The following PDE2A variants were observed in gnomAD, a reference collection of about 807,000 sequenced individuals.
PDE2A encodes phosphodiesterase 2A.
PDE2A carries 53 observed loss-of-function variants against 133.6 expected under a neutral mutation model. That is an observed-to-expected ratio of 0.40 (90% CI 0.32 to 0.50). PDE2A has a LOEUF of 0.50. Ranked by LOEUF, PDE2A falls within the 20% of genes least tolerant of loss-of-function variation. The probability of loss-of-function intolerance (pLI) is 0.73; values close to 1 mark genes in which losing one functional copy is unlikely to be tolerated. For synonymous variants in PDE2A, 491 were observed against 490.2 expected (o/e 1.00, Z -0.02); for missense variants, 796 against 1,232.4 (o/e 0.65, Z 5.30).
chr11:72,622,798 A>G (rs115408912), intron 2 of PDE2A, among the ~76,000 whole-genome samples: 1,901 of 152,320 alleles, frequency 0.012, 53 homozygotes, highest in African/African-American at 0.043. Flanking sequence ...TACCTACCAC[A>G]ACTGAACTGT....
At chr11:72,580,185 C>T (rs1855658649) in intron 25 of PDE2A, among the ~76,000 whole-genome samples, 1 of 152,128 alleles carries the variant, frequency 6.6e-6, no homozygotes, top group African/African-American at 2.4e-5. Flanking sequence ...AATGTGTCTC[C>T]TACTCTGTGC....
intron 1 of PDE2A, among the ~76,000 whole-genome samples, chr11:72,661,659 G>A (rs1855067530): frequency 6.6e-6 from 1 of 152,230 alleles, no homozygotes. Context: ...GGGCCTTGGG[G>A]AAGGGAATTC....
In PDE2A at chr11:72,600,372, A is replaced by C. The variant is rs997460658; in HGVS notation, c.324-2753T>G. On this transcript the variant is annotated intron_variant, in intron 4 of 30. Transcript: ENST00000334456. ...ATCTTGATAAGCCGAGATGCCCCCA[A>C]GCACTGGGGCTTCCAAGGACCCTCA... is the stretch of plus-strand genomic sequence containing the variant. 6.6e-5 allele frequency among the ~76,000 whole-genome samples: 10 copies of C among 152,124 alleles called. 1 individual carries two copies. The highest frequency in any genetic ancestry group is 3.3e-4 in the Admixed American group (5 of 15,286).
chr11:72,591,473 T>C, intron 6 of PDE2A, 117 bp from the exon 7 acceptor site: 1 of 748,142 alleles, frequency 1.3e-6, no homozygotes, highest in South Asian at 1.6e-5. Flanking sequence ...CACTCCAGTC[T>C]GTGGGCCTCA....
At chr11:72,632,295 A>G (rs957545209) in intron 2 of PDE2A, among the ~76,000 whole-genome samples, 2 of 152,132 alleles carry the variant, frequency 1.3e-5, no homozygotes, top group Non-Finnish European at 2.9e-5. Context: ...TGGCCGAAGC[A>G]GGGCGTCTGG....
chr11:72,656,302 G>T (rs1223861322), intron 1 of PDE2A, among the ~76,000 whole-genome samples: 1 of 152,188 alleles, frequency 6.6e-6, no homozygotes, highest in Non-Finnish European at 1.5e-5. Flanking sequence ...TATTCTGCCT[G>T]GATAAGTTCC....
chr11:72,598,435 G>A (rs1170338192), intron 4 of PDE2A: 1 of 1,126,966 alleles, frequency 8.9e-7, no homozygotes, highest in Non-Finnish European at 1.2e-6. Context: ...GGAAGAATGA[G>A]TTTCTCTCTG....
At chr11:72,622,316 A>C (rs1362269157) in intron 2 of PDE2A, among the ~76,000 whole-genome samples, 1 of 152,280 alleles carries the variant, frequency 6.6e-6, no homozygotes, top group African/African-American at 2.4e-5. Context: ...AAACCAAAAA[A>C]TAGAATGACT....
intron 1 of PDE2A, among the ~76,000 whole-genome samples, chr11:72,669,482 G>A (rs1855335426): frequency 6.6e-6 from 1 of 152,128 alleles, no homozygotes; most frequent in Admixed American, 6.5e-5. Flanking sequence ...GCAAGCAGCT[G>A]AACAATAGGA....
chr11:72,668,996 T>C (rs1023816797), intron 1 of PDE2A: 2 of 999,032 alleles, frequency 2.0e-6, no homozygotes, highest in African/African-American at 3.5e-5. Flanking sequence ...TGGTTCATAA[T>C]GACAGTAGCT....
At chr11:72,609,146 G>C (rs1857097218) in intron 2 of PDE2A, among the ~76,000 whole-genome samples, 1 of 152,360 alleles carries the variant, frequency 6.6e-6, no homozygotes, top group Non-Finnish European at 1.5e-5. Flanking sequence ...TCCTAGCTCC[G>C]CTGTGTATGA....
intron 1 of PDE2A, among the ~76,000 whole-genome samples, chr11:72,654,215 GGGACCA>G (rs1219285386): frequency 6.6e-6 from 1 of 152,200 alleles, no homozygotes; most frequent in East Asian, 1.9e-4. Context: ...ACCCAGCGCT[GGGACCA>G]GGGGAGGCAG....
At position 72,661,966 on chromosome 11, in the gene PDE2A, CTCTG is replaced by C. The variant is rs577562708; in HGVS notation, c.71+12167_71+12170del. 1.8e-3 allele frequency among the ~76,000 whole-genome samples: 276 copies of C among 152,250 alleles called. 2 individuals carry two copies. The highest frequency in any genetic ancestry group is 3.3e-3 in the Non-Finnish European group (222 of 68,014). On this transcript the variant is annotated intron_variant, in intron 1 of 30. Coordinates refer to ENST00000334456, the MANE Select transcript of PDE2A (RefSeq NM_002599.5). ...TCTGTGTTGTGTGTGTACTGTGGGT[CTCTG>C]TCTGTGCTATGGTCTGCTTCCTGGT...
intron 1 of PDE2A, among the ~76,000 whole-genome samples, chr11:72,647,025 C>A (rs1348515543): frequency 6.6e-6 from 1 of 152,174 alleles, no homozygotes; most frequent in East Asian, 1.9e-4. Context: ...CCCCAGCCCT[C>A]CCTCAAGAGC....
chr11:72,586,197 G>C lies in PDE2A; in HGVS notation c.1071-16C>G. The C allele has an allele frequency of 6.8e-7, 1 of 1,475,594 alleles. No individual in the cohort carries two copies. The highest frequency in any genetic ancestry group is 1.2e-5 in the South Asian group (1 of 86,540). 91.4% of individuals were successfully genotyped at this position (1,475,594 alleles called of 1,614,324 possible). A position where few individuals can be genotyped will look rare whatever the true frequency, so the allele number is the denominator to read the frequency against. ...GTCGGTGAACCTGGAGGAGGGGGTG[G>C]GCTCACTCAGGAGGGAAGGGAAGAC... On this transcript the variant is annotated splice_polypyrimidine_tract_variant and intron_variant, in intron 13 of 30. Transcript: ENST00000334456.
intron 1 of PDE2A, among the ~76,000 whole-genome samples, chr11:72,656,227 C>A (rs1854897148): frequency 6.6e-6 from 1 of 152,194 alleles, no homozygotes; most frequent in African/African-American, 2.4e-5. Flanking sequence ...CCTGTTGTAA[C>A]CCTGAATGAG....
chr11:72,641,921 C>T lies in PDE2A; in HGVS notation c.144+333G>A, dbSNP rs565847291. On this transcript the variant is annotated intron_variant, in intron 2 of 30. Transcript: ENST00000334456. The stretch of plus-strand genomic sequence containing the variant: ...AGCCCCACATATATGGTGAAGGTTC[C>T]GAGGCGTGGGCAGGGTCCCCACTAA... 2.0e-4 allele frequency among the ~76,000 whole-genome samples: 31 copies of T among 152,220 alleles called. No homozygotes were observed. In the South Asian group the frequency reaches 5.8e-3, roughly 28 times the overall value.
intron 6 of PDE2A, among the ~76,000 whole-genome samples, chr11:72,591,648 A>G (rs1191363193): frequency 1.3e-5 from 2 of 152,120 alleles, no homozygotes; most frequent in Admixed American, 6.5e-5. Flanking sequence ...GGATGGAGGG[A>G]CCTTAGACCC....
At chr11:72,647,125 T>C (rs531463354) in intron 1 of PDE2A, among the ~76,000 whole-genome samples, 11 of 152,306 alleles carry the variant, frequency 7.2e-5, no homozygotes, top group Non-Finnish European at 1.6e-4. Flanking sequence ...AGAAGCACCA[T>C]CTCTCCATCT....
Sources: gnomAD v4.1 joint callset for allele counts (sites outside exome capture counted in the v4.1 genomes callset) on GRCh38, gnomAD v4.1.1 for gene constraint, MANE v1.5 for transcripts, NCBI Gene and HGNC (gene_info 2026-07-23, HGNC 2026-07-21) for gene names.